CSMD3: variants seen among roughly 807,000 people sequenced by gnomAD.
CSMD3 encodes CUB and Sushi multiple domains 3, also known as CUB and sushi domain-containing protein 3.
Under a neutral mutation model 435.2 loss-of-function variants are expected in CSMD3, and 177 were observed. That is an observed-to-expected ratio of 0.41 (90% CI 0.36 to 0.46). The LOEUF is 0.46. Among genes scored for constraint, CSMD3 ranks in the 20% least tolerant of loss-of-function variants. CSMD3 has a pLI of 0.34. For synonymous variants in CSMD3, 1,656 were observed against 1,520.5 expected, an observed-to-expected ratio of 1.09 and a Z score of -2.07; for missense variants, 4,265 against 4,504.6, an observed-to-expected ratio of 0.95 and a Z score of 1.52.
chr8:112,986,962 T>C (rs2085278038), intron 6 of CSMD3, among the ~76,000 whole-genome samples: 1 of 152,096 alleles, frequency 6.6e-6, no homozygotes, highest in African/African-American at 2.4e-5. Flanking sequence ...TTCCCTCATC[T>C]TCCTCTAGCA....
intron 27 of CSMD3, among the ~76,000 whole-genome samples, chr8:112,546,841 A>C (rs1175532936): frequency 6.6e-6 from 1 of 152,200 alleles, no homozygotes; most frequent in Non-Finnish European, 1.5e-5. Flanking sequence ...CAAAGGATGA[A>C]TGGATCATGA....
chr8:113,370,498 T>A (rs1387489322), intron 1 of CSMD3, among the ~76,000 whole-genome samples: 4 of 151,730 alleles, frequency 2.6e-5, no homozygotes, highest in Middle Eastern at 3.2e-3. Flanking sequence ...TTGTGAAAGA[T>A]CATTACAAAT....
intron 32 of CSMD3, among the ~76,000 whole-genome samples, chr8:112,464,109 G>T (rs1315222790): frequency 6.6e-6 from 1 of 151,930 alleles, no homozygotes; most frequent in African/African-American, 2.4e-5. Flanking sequence ...GTGGTGGCAG[G>T]CACCTGTAGT....
intron 10 of CSMD3, among the ~76,000 whole-genome samples, chr8:112,916,513 A>G (rs545247933): frequency 6.6e-6 from 1 of 152,012 alleles, no homozygotes; most frequent in African/African-American, 2.4e-5. Context: ...CCATATCTAC[A>G]CCATCTGCCT....
chr8:112,429,543 G>A (rs1352253621), intron 32 of CSMD3, among the ~76,000 whole-genome samples: 1 of 152,074 alleles, frequency 6.6e-6, no homozygotes, highest in African/African-American at 2.4e-5. Flanking sequence ...CCCAGAGTGT[G>A]GCAGGACAAC....
chr8:112,295,758 T>A, intron 54 of CSMD3, 75 bp downstream of exon 54: 1 of 1,224,070 alleles, frequency 8.2e-7, no homozygotes, highest in Non-Finnish European at 1.2e-6. Context: ...AATATATATA[T>A]TCATCTTGCC....
intron 4 of CSMD3, among the ~76,000 whole-genome samples, chr8:113,173,066 A>G (rs1443017205): frequency 6.6e-6 from 1 of 152,210 alleles, no homozygotes; most frequent in East Asian, 1.9e-4. Flanking sequence ...TATCAGAAAG[A>G]TTTAGACTCA....
At chr8:112,372,987 T>A (rs1159175061) in intron 38 of CSMD3, among the ~76,000 whole-genome samples, 7 of 119,836 alleles carry the variant, frequency 5.8e-5, no homozygotes, top group East Asian at 5.0e-4. Context: ...ATATATATAT[T>A]TATATTTTAT....
intron 5 of CSMD3, among the ~76,000 whole-genome samples, chr8:113,035,566 C>T (rs1036613644): frequency 6.6e-6 from 1 of 151,820 alleles, no homozygotes; most frequent in African/African-American, 2.4e-5. Context: ...ATCTTTATTG[C>T]AGCTATATGA....
rs1023451234 is a variant in CSMD3 at position 112,595,209 on chromosome 8, G to A, written c.3716-7974C>T. Among the ~76,000 whole-genome samples, 105 of 151,670 alleles carry A rather than the reference G, an allele frequency of 6.9e-4. No homozygotes were observed. In the East Asian group the frequency reaches 0.011, roughly 16 times the overall value. ...CTGAAAACCAAGGCTCGAGAACTAC[G>A]TGAAGAATGCAGAAGCCTCAGGAGT... On this transcript the variant is annotated intron_variant, in intron 22 of 70. Coordinates refer to ENST00000297405, the MANE Select transcript of CSMD3 (RefSeq NM_198123.2).
At chr8:112,551,997 G>A (rs893445917) in intron 26 of CSMD3, among the ~76,000 whole-genome samples, 4 of 151,928 alleles carry the variant, frequency 2.6e-5, no homozygotes, top group Admixed American at 6.6e-5. Context: ...TAATGACTCT[G>A]TACTTATCTA....
intron 31 of CSMD3, among the ~76,000 whole-genome samples, chr8:112,482,816 G>A (rs543678233): frequency 6.6e-6 from 1 of 152,152 alleles, no homozygotes; most frequent in East Asian, 1.9e-4. Context: ...TTGCTTTCTT[G>A]GGAATGTTTT....
intron 32 of CSMD3, among the ~76,000 whole-genome samples, chr8:112,456,369 C>T (rs1428602872): frequency 1.3e-5 from 2 of 151,992 alleles, no homozygotes; most frequent in East Asian, 3.9e-4. Flanking sequence ...AACTTAGTAG[C>T]AGCAGTTTGT....
chr8:112,609,992 G>A (rs1833131487), intron 22 of CSMD3, among the ~76,000 whole-genome samples: 1 of 152,078 alleles, frequency 6.6e-6, no homozygotes, highest in Non-Finnish European at 1.5e-5. Context: ...AAACAGAGTA[G>A]AAAGTTGGTT....
At chr8:113,094,890 T>C (rs2090117128) in intron 5 of CSMD3, among the ~76,000 whole-genome samples, 1 of 151,938 alleles carries the variant, frequency 6.6e-6, no homozygotes, top group Non-Finnish European at 1.5e-5. Context: ...GCTAACACAG[T>C]GAAACCCCGT....
At chr8:113,082,966 A>G (rs2089626483) in intron 5 of CSMD3, among the ~76,000 whole-genome samples, 10 of 152,110 alleles carry the variant, frequency 6.6e-5, no homozygotes, top group Admixed American at 5.9e-4. Flanking sequence ...AAGCAAACAA[A>G]TATTCACCTT....
At position 112,583,398 on chromosome 8, in the gene CSMD3, A is replaced by C. The variant is rs145724863; in HGVS notation, c.3885+3668T>G. On this transcript the variant is annotated intron_variant, in intron 23 of 70. Transcript: ENST00000297405. ...TATCACAGGTCAGAGCAGATTTTGC[A>C]CTGGTTGTGCTGTTCTGTCAATGTA... 3.9e-5 allele frequency among the ~76,000 whole-genome samples: 6 copies of C among 152,092 alleles called. No individual in the cohort carries two copies. The East Asian group carries it at 1.2e-3, about 30-fold the overall frequency.
At chr8:113,071,302 TTC>T (rs2089105513) in intron 5 of CSMD3, among the ~76,000 whole-genome samples, 1 of 152,042 alleles carries the variant, frequency 6.6e-6, no homozygotes, top group Non-Finnish European at 1.5e-5. Context: ...TTATTGATTA[TTC>T]TCTTTGAGGT....
At chr8:113,177,667 A>G (rs1290869250) in intron 3 of CSMD3, among the ~76,000 whole-genome samples, 1 of 152,022 alleles carries the variant, frequency 6.6e-6, no homozygotes, top group Non-Finnish European at 1.5e-5. Flanking sequence ...ATAAACCTGA[A>G]GAATTTGTAC....
Sources: gnomAD v4.1 joint callset for allele counts (sites outside exome capture counted in the v4.1 genomes callset) on GRCh38, gnomAD v4.1.1 for gene constraint, MANE v1.5 for transcripts, NCBI Gene and HGNC (gene_info 2026-07-23, HGNC 2026-07-21) for gene names.